Variants in TVP23B observed in about 807,000 individuals in gnomAD.
TVP23B encodes trans-golgi network vesicle protein 23 homolog B, also known as Golgi apparatus membrane protein TVP23 homolog B.
In TVP23B, 10 loss-of-function variants were observed where a neutral mutation model predicts 30.6. That is an observed-to-expected ratio of 0.33 (90% confidence interval 0.20 to 0.55). The LOEUF (loss-of-function observed/expected upper bound fraction) is 0.55, where lower values mean the gene tolerates loss of function less well. TVP23B is among the 20% of genes least tolerant of loss of function. TVP23B has a pLI of 0.91. For synonymous variants in TVP23B, 67 were observed against 83.1 expected (o/e 0.81, Z 1.06); for missense variants, 153 against 243.2 (o/e 0.63, Z 2.47).
chr17:18,782,024 A>G (rs562039765), intron 1 of TVP23B: 2 of 151,460 alleles, frequency 1.3e-5, no homozygotes. Flanking sequence ...GACACGATAA[A>G]TTGTATAACC....
At chr17:18,803,986 T>C in intron 5 of TVP23B, 152 bp from the exon 6 acceptor site, 2 of 589,372 alleles carry the variant, frequency 3.4e-6, no homozygotes, top group South Asian at 4.0e-5. Flanking sequence ...TTCTGGCAAC[T>C]GTCTCTGGAA....
At chr17:18,800,464 C>G (rs1276232831) in intron 5 of TVP23B, among the ~76,000 whole-genome samples, 1 of 152,190 alleles carries the variant, frequency 6.6e-6, no homozygotes, top group Non-Finnish European at 1.5e-5. Context: ...CATGTTTAAA[C>G]ATATGAGCCT....
intron 3 of TVP23B, among the ~76,000 whole-genome samples, chr17:18,792,349 TAA>T (rs1226585636): frequency 6.6e-6 from 1 of 152,206 alleles, no homozygotes; most frequent in Non-Finnish European, 1.5e-5. Context: ...TTTTAATTCT[TAA>T]AGATACCTGA....
chr17:18,805,179 C>G (rs1176317654), intron 6 of TVP23B, among the ~76,000 whole-genome samples: 2 of 151,138 alleles, frequency 1.3e-5, no homozygotes, highest in Admixed American at 6.6e-5. Flanking sequence ...AGCTCCGCCT[C>G]CCGGGTTCAC....
chr17:18,783,236 G>A (rs1480680672), intron 1 of TVP23B, among the ~76,000 whole-genome samples: 1 of 152,020 alleles, frequency 6.6e-6, no homozygotes, highest in African/African-American at 2.4e-5. Context: ...CTCCAGAGTA[G>A]CTGGGATTAC....
intron 3 of TVP23B, among the ~76,000 whole-genome samples, chr17:18,795,205 T>G (rs1180808797): frequency 6.6e-6 from 1 of 151,886 alleles, no homozygotes; most frequent in Non-Finnish European, 1.5e-5. Context: ...TTTTGTATTT[T>G]TAGTAGAGTC....
intron 2 of TVP23B, chr17:18,789,714 A>G (rs977036032): frequency 1.2e-4 from 43 of 369,810 alleles, no homozygotes; most frequent in African/African-American, 7.8e-4. Flanking sequence ...CCATTTCTTT[A>G]TATAGTTTCT....
In TVP23B at chr17:18,801,232, C is replaced by T. The variant is rs145962566; in HGVS notation, c.462+2289C>T. Among the ~76,000 whole-genome samples, 32 of 151,768 alleles carry T rather than the reference C, an allele frequency of 2.1e-4. No homozygotes were observed. In the East Asian group the frequency reaches 5.0e-3, roughly 24 times the overall value. On this transcript the variant is annotated intron_variant, in intron 5 of 6. Coordinates refer to ENST00000307767, the MANE Select transcript of TVP23B (RefSeq NM_016078.6). ...GGTTTTTCTGTAGGGTGAAATAGTC[C>T]GAGGAATGCTTTTATTTTGGTGGGG...
At chr17:18,798,465 G>A (rs1344682343) in intron 4 of TVP23B, among the ~76,000 whole-genome samples, 3 of 150,664 alleles carry the variant, frequency 2.0e-5, no homozygotes, top group African/African-American at 4.9e-5. Context: ...GATTATAACT[G>A]TGATTTCCTT....
intron 2 of TVP23B, among the ~76,000 whole-genome samples, 169 bp from the exon 3 acceptor site, chr17:18,790,727 G>A (rs9901398): frequency 5.3e-4 from 81 of 152,216 alleles, no homozygotes; most frequent in African/African-American, 1.5e-3. Flanking sequence ...CAAATAGTGG[G>A]GCTTAAGAAA....
At chr17:18,795,667 T>G (rs544842575) in intron 3 of TVP23B, 5 of 152,202 alleles carry the variant, frequency 3.3e-5, no homozygotes, top group Non-Finnish European at 7.3e-5. Flanking sequence ...TTTAAAAATA[T>G]TAGAAAAGTA....
intron 1 of TVP23B, among the ~76,000 whole-genome samples, chr17:18,783,286 A>G (rs2035838783): frequency 6.6e-6 from 1 of 151,984 alleles, no homozygotes; most frequent in South Asian, 2.1e-4. Context: ...TTGTATTTTT[A>G]GTAGAGATGG....
At chr17:18,803,248 T>C (rs951284468) in intron 5 of TVP23B, among the ~76,000 whole-genome samples, 2 of 152,052 alleles carry the variant, frequency 1.3e-5, no homozygotes, top group Non-Finnish European at 2.9e-5. Context: ...CCGACACCTG[T>C]TTTTGTAAGT....
intron 1 of TVP23B, among the ~76,000 whole-genome samples, chr17:18,788,351 C>T (rs1026251167): frequency 8.6e-6 from 1 of 116,950 alleles, no homozygotes; most frequent in Non-Finnish European, 1.9e-5. Flanking sequence ...AAAAAAAAAG[C>T]CTAAGGTTGT....
At chr17:18,790,661 A>G (rs1299014542) in intron 2 of TVP23B, among the ~76,000 whole-genome samples, 1 of 152,166 alleles carries the variant, frequency 6.6e-6, no homozygotes, top group Non-Finnish European at 1.5e-5. Context: ...TTTATATTCA[A>G]TGAGGTGTTA....
chr17:18,784,124 G>A (rs1316075986), intron 1 of TVP23B, among the ~76,000 whole-genome samples: 2 of 147,496 alleles, frequency 1.4e-5, no homozygotes, highest in Non-Finnish European at 3.0e-5. Context: ...CAGCCTGGGC[G>A]ACAGAGCCAG....
chr17:18,797,029 G>A (rs1279184745), intron 3 of TVP23B: 2 of 155,904 alleles, frequency 1.3e-5, no homozygotes, highest in African/African-American at 4.8e-5. Flanking sequence ...CCTGAGGAAG[G>A]AGTTGGTATC....
chr17:18,795,849 ATTTC>A (rs1236511465), intron 3 of TVP23B: 5 of 152,062 alleles, frequency 3.3e-5, no homozygotes, highest in Non-Finnish European at 7.4e-5. Flanking sequence ...TTCTATTTTT[ATTTC>A]TTATTAATCT....
At chr17:18,792,568 A>G (rs2036013720) in intron 3 of TVP23B, among the ~76,000 whole-genome samples, 1 of 152,208 alleles carries the variant, frequency 6.6e-6, no homozygotes, top group Non-Finnish European at 1.5e-5. Context: ...TGTTCATAAA[A>G]TTTCTGTTCA....
Sources: allele counts gnomAD v4.1 joint callset (sites outside exome capture counted in the v4.1 genomes callset), GRCh38; gene constraint gnomAD v4.1.1; transcripts MANE v1.5; gene names NCBI Gene and HGNC (gene_info 2026-07-23, HGNC 2026-07-21).